PTPRZ1: variants seen among roughly 807,000 people sequenced by gnomAD.
PTPRZ1 encodes the protein protein tyrosine phosphatase receptor type Z1.
PTPRZ1 carries 82 observed loss-of-function variants against 214.1 expected under a neutral mutation model. The ratio of observed to expected loss-of-function variants is 0.38; its 90% CI spans 0.32 to 0.46. PTPRZ1 has a LOEUF of 0.46. Among genes scored for constraint, PTPRZ1 ranks in the 20% least tolerant of loss-of-function variants. PTPRZ1 has a pLI of 1.00. For missense variants in PTPRZ1, 2,603 were observed against 2,748.7 expected (o/e 0.95, Z 1.19); for synonymous variants, 945 against 987.9 (o/e 0.96, Z 0.81).
At chr7:121,950,375 G>T (rs143291594) in intron 2 of PTPRZ1, among the ~76,000 whole-genome samples, 265 of 152,300 alleles carry the variant, frequency 1.7e-3, no homozygotes, top group Middle Eastern at 3.4e-3. Context: ...TTCTTTGATG[G>T]ACAAGTTATC....
chr7:122,040,435 C>T (rs1324167024), intron 20 of PTPRZ1, among the ~76,000 whole-genome samples: 4 of 152,218 alleles, frequency 2.6e-5, no homozygotes, highest in South Asian at 4.1e-4. Flanking sequence ...TTCAGGTAAC[C>T]TATCCTATCA....
intron 1 of PTPRZ1, 78 bp downstream of exon 1, chr7:121,873,635 A>C: frequency 6.5e-7 from 1 of 1,534,910 alleles, no homozygotes; most frequent in African/African-American, 1.4e-5. Flanking sequence ...CGTGTCCGCG[A>C]CTTGCCGCCG....
chr7:121,993,367 CG>C (rs1798030157), intron 8 of PTPRZ1, among the ~76,000 whole-genome samples: 1 of 150,788 alleles, frequency 6.6e-6, no homozygotes, highest in Non-Finnish European at 1.5e-5. Context: ...CTGGCTAACA[CG>C]GTGACCATCC....
Position 121,925,434 on chromosome 7 carries a change from A to G in PTPRZ1, c.59-2722A>G, listed in dbSNP as rs200845009. 5.3e-5 allele frequency among the ~76,000 whole-genome samples: 8 copies of G among 152,252 alleles called. No individual in the cohort carries two copies. The East Asian group carries it at 1.2e-3, about 22-fold the overall frequency. ...ATGAATATTCATAACAGCATTGTTC[A>G]TAATAGCCAAAAATTAGAAACAACA... On this transcript the variant is annotated intron_variant, in intron 1 of 29. Transcript: ENST00000393386.
At chr7:122,043,499 C>A (rs1409573775) in intron 22 of PTPRZ1, among the ~76,000 whole-genome samples, 2 of 152,190 alleles carry the variant, frequency 1.3e-5, no homozygotes, top group Admixed American at 6.5e-5. Context: ...AGCAAATCTG[C>A]ATTTTATCTT....
intron 18 of PTPRZ1, among the ~76,000 whole-genome samples, chr7:122,037,289 T>G (rs1334444973): frequency 2.0e-5 from 3 of 150,206 alleles, no homozygotes; most frequent in Non-Finnish European, 4.4e-5. Flanking sequence ...AAAAAAAAAA[T>G]GTGAAGGGCA....
chr7:121,987,768 T>C (rs1283861280), intron 8 of PTPRZ1, among the ~76,000 whole-genome samples: 1 of 152,196 alleles, frequency 6.6e-6, no homozygotes, highest in Non-Finnish European at 1.5e-5. Flanking sequence ...AGCAAAGATA[T>C]GGAATCAACC....
Position 121,873,161 on chromosome 7 carries a change from A to G in PTPRZ1, c.-339A>G. 4.9e-6 allele frequency: 2 copies of G among 411,988 alleles called. No individual in the cohort carries two copies. Among genetic ancestry groups the G allele is most frequent in the Non-Finnish European group, 8.5e-6 (2 of 234,292 alleles). The allele number at this position is 411,988 out of a possible 1,614,324, so 25.5% of individuals were successfully genotyped here. On this transcript the variant is annotated 5_prime_UTR_variant, in exon 1 of 30. Transcript: ENST00000393386. ...AGGCTTCGCTGCTCTCGGAGCGCTC[A>G]GACCGCGGCCGCCGCAGCCGGCGAA...
chr7:121,926,132 G>T (rs1243373877), intron 1 of PTPRZ1, among the ~76,000 whole-genome samples: 8 of 151,918 alleles, frequency 5.3e-5, no homozygotes, highest in Admixed American at 4.6e-4. Context: ...GTGAAACCCC[G>T]TCTCTACTAA....
intron 1 of PTPRZ1, among the ~76,000 whole-genome samples, chr7:121,887,323 A>C (rs1161731605): frequency 6.6e-6 from 1 of 152,182 alleles, no homozygotes; most frequent in African/African-American, 2.4e-5. Context: ...ATTTCTGCCT[A>C]ATCAAATGTT....
intron 2 of PTPRZ1, among the ~76,000 whole-genome samples, chr7:121,937,343 G>A (rs1399224010): frequency 6.6e-6 from 1 of 152,170 alleles, no homozygotes; most frequent in Non-Finnish European, 1.5e-5. Flanking sequence ...TTGGGGGACT[G>A]AGGAAGAAAT....
chr7:121,896,155 ATAGAG>A (rs1210147266), intron 1 of PTPRZ1, among the ~76,000 whole-genome samples: 2 of 152,258 alleles, frequency 1.3e-5, no homozygotes, highest in African/African-American at 2.4e-5. Context: ...TGTAATTGAT[ATAGAG>A]TAGATGTTTT....
chr7:121,936,230 A>T (rs1285624858), intron 2 of PTPRZ1, among the ~76,000 whole-genome samples: 2 of 152,202 alleles, frequency 1.3e-5, no homozygotes, highest in African/African-American at 4.8e-5. Flanking sequence ...TAGAAAAATC[A>T]TTTCTATTAT....
intron 12 of PTPRZ1, among the ~76,000 whole-genome samples, chr7:122,018,010 TTAG>T (rs1798896505): frequency 1.3e-5 from 2 of 152,240 alleles, no homozygotes; most frequent in Non-Finnish European, 2.9e-5. Flanking sequence ...TGCACTTATA[TTAG>T]TCTCAATTTT....
Position 121,873,311 on chromosome 7 carries a change from C to G in PTPRZ1, c.-189C>G. 1 of 545,778 alleles carries G rather than the reference C, an allele frequency of 1.8e-6. No individual in the cohort carries two copies. Among genetic ancestry groups the G allele is most frequent in the Non-Finnish European group, 3.2e-6 (1 of 315,554 alleles). The allele number at this position is 545,778 out of a possible 1,614,324, so 33.8% of individuals were successfully genotyped here. A position where few individuals can be genotyped will look rare whatever the true frequency, so the allele number is the denominator to read the frequency against. On this transcript the variant is annotated 5_prime_UTR_variant, in exon 1 of 30. Transcript: ENST00000393386. ...TCTGACTGTCTCTCTCTGTCTCTGT[C>G]TCTGTCTCTCTCTCTCTCACACACA...
At chr7:122,038,509 CTTTTTTTTTTTTT>C (rs140553499) in intron 18 of PTPRZ1, among the ~76,000 whole-genome samples, 53 of 106,298 alleles carry the variant, frequency 5.0e-4, no homozygotes, top group Admixed American at 7.2e-4. Context: ...GAGAGCTATT[CTTTTTTTTTTTTT>C]TTTTTTTTTT....
intron 6 of PTPRZ1, among the ~76,000 whole-genome samples, chr7:121,979,493 T>C (rs920870478): frequency 2.0e-5 from 3 of 152,184 alleles, no homozygotes; most frequent in Non-Finnish European, 4.4e-5. Flanking sequence ...AAAGTCCTCA[T>C]AGGCATTGGT....
chr7:122,004,509 A>G (rs1186264152), intron 10 of PTPRZ1, 105 bp from the exon 11 acceptor site: 2 of 651,176 alleles, frequency 3.1e-6, no homozygotes, highest in South Asian at 1.7e-5. Context: ...AGCTGACATT[A>G]ACTTTTTTAT....
In PTPRZ1 at chr7:122,061,142, T is replaced by A; in HGVS notation, c.6870T>A (p.Asn2290Lys). 1.2e-6 allele frequency: 2 copies of A among 1,609,128 alleles called. No individual in the cohort carries two copies. The highest frequency in any genetic ancestry group is 1.7e-6 in the Non-Finnish European group (2 of 1,176,684). Residue 2290 changes from asparagine to lysine, a missense_variant, in exon 30 of 30, where the codon AAT becomes AAA. By Grantham distance (94) the Asn-to-Lys change is moderately conservative. This residue lies in a region of PTPRZ1 where 165 missense variants were observed against 151.4 expected (regional missense o/e 1.09). Transcript: ENST00000393386. ...TTGTGAGCACAAGGCAGGAAGAGAA[T>A]CCATCCACCTCTCTGGACAGTAATG... The part of the protein sequence containing the change: ...LSLVSTRQEE[N>K]PSTSLDSNGA...
Sources: gnomAD v4.1 joint callset for allele counts (sites outside exome capture counted in the v4.1 genomes callset) on GRCh38, gnomAD v4.1.1 for gene constraint, gnomAD v4.1.1 regional missense constraint, MANE v1.5 for transcripts, NCBI Gene and HGNC (gene_info 2026-07-23, HGNC 2026-07-21) for gene names.